Variants in DEFB121 observed in about 807,000 individuals in gnomAD.
DEFB121 encodes beta-defensin 121.
In DEFB121, 5 loss-of-function variants were observed where a neutral mutation model predicts 2.5. That is an observed-to-expected ratio of 1.96 (90% CI 1.03 to 4.13). DEFB121 has a LOEUF of 4.13. Among genes scored for constraint, DEFB121 ranks in the 30% most tolerant of loss-of-function variants. DEFB121 has a pLI of 0.00. For missense variants in DEFB121, 87 were observed against 85.0 expected, an observed-to-expected ratio of 1.02 and a Z score of -0.09; for synonymous variants, 39 against 32.6, an observed-to-expected ratio of 1.20 and a Z score of -0.67.
chr20:31,418,259 C>CAAAAAAAAAAAAAAAAA, the DEFB121 span, among the ~76,000 whole-genome samples: 7 of 82,920 alleles, frequency 8.4e-5, no homozygotes, highest in Admixed American at 1.7e-4. Context: ...GACTCCGTCT[C>CAAAAAAAAAAAAAAAAA]AAAAAAAAAA....
chr20:31,413,995 G>A (rs1978735573), upstream of DEFB121, among the ~76,000 whole-genome samples: 1 of 152,124 alleles, frequency 6.6e-6, no homozygotes, highest in Non-Finnish European at 1.5e-5. Flanking sequence ...ATTACCTGAG[G>A]TCAGGAGTTC....
At chr20:31,407,674 G>A (rs1047029176), upstream of DEFB121, among the ~76,000 whole-genome samples, 1 of 152,204 alleles carries the variant, frequency 6.6e-6, no homozygotes, top group African/African-American at 2.4e-5. Flanking sequence ...GTTTTGGAGT[G>A]GAACATTACA....
chr20:31,418,259 C>CAAAAAAAAAAA, the DEFB121 span, among the ~76,000 whole-genome samples: 24 of 82,972 alleles, frequency 2.9e-4, no homozygotes, highest in South Asian at 9.7e-4. Context: ...GACTCCGTCT[C>CAAAAAAAAAAA]AAAAAAAAAA....
In DEFB121 at chr20:31,406,114, G is replaced by A. The variant is rs772018861; in HGVS notation, c.39C>T (p.Leu13=). 2 of 1,614,140 alleles carry A rather than the reference G, an allele frequency of 1.2e-6. No homozygotes were observed. Among genetic ancestry groups the A allele is most frequent in the Admixed American group, 1.7e-5 (1 of 60,022 alleles). ...GTTTACCTGGGGTGACCTGGGCCAG[G>A]AGCAGAGTAACAGTCAAAAGCAGAA... ...LLLLLLTVTL[L]LAQVTPVMKC... The change falls in exon 1 of 2, where the codon CTC becomes CTT. Residue 13 remains leucine, a synonymous_variant. Coordinates refer to ENST00000376314, the MANE Select transcript of DEFB121 (RefSeq NM_001011878.3).
upstream of DEFB121, among the ~76,000 whole-genome samples, chr20:31,416,791 T>C (rs1230459963): frequency 6.6e-6 from 1 of 152,226 alleles, no homozygotes; most frequent in African/African-American, 2.4e-5. Flanking sequence ...CAAAAACAAT[T>C]CCACGTTAAG....
At chr20:31,414,268 G>C (rs1389289017), upstream of DEFB121, among the ~76,000 whole-genome samples, 1 of 151,162 alleles carries the variant, frequency 6.6e-6, no homozygotes, top group Non-Finnish European at 1.5e-5. Flanking sequence ...GGAAGGGGAA[G>C]GGGAGGAAAG....
At chr20:31,406,352 TG>T, upstream of DEFB121, 1 of 1,195,348 alleles carries the variant, frequency 8.4e-7, no homozygotes. Flanking sequence ...CTGAGGAGGC[TG>T]GGAGAGGGGG....
upstream of DEFB121, among the ~76,000 whole-genome samples, chr20:31,414,662 A>G (rs1413779989): frequency 6.6e-6 from 1 of 152,242 alleles, no homozygotes; most frequent in Non-Finnish European, 1.5e-5. Flanking sequence ...AACTTATATC[A>G]ACAAAGAGTG....
upstream of DEFB121, among the ~76,000 whole-genome samples, chr20:31,410,347 TG>T (rs1279187153): frequency 6.6e-6 from 1 of 152,028 alleles, no homozygotes; most frequent in African/African-American, 2.4e-5. Flanking sequence ...CCATAGACAC[TG>T]GGGACTACTA....
At chr20:31,418,068 G>A in the DEFB121 span, among the ~76,000 whole-genome samples, 7 of 150,242 alleles carry the variant, frequency 4.7e-5, no homozygotes, top group African/African-American at 7.3e-5. Flanking sequence ...AGACCATCCC[G>A]GCTAAAACGG....
At chr20:31,418,282 A>AAAAAAAAGAAAAAAGG in the DEFB121 span, among the ~76,000 whole-genome samples, 1 of 148,300 alleles carries the variant, frequency 6.7e-6, no homozygotes, top group Non-Finnish European at 1.5e-5. Flanking sequence ...AAAAAAAAAA[A>AAAAAAAAGAAAAAAGG]GAAAAAAGGG....
chr20:31,411,529 G>GA, intron 1 of DEFB121, among the ~76,000 whole-genome samples: 1 of 141,584 alleles, frequency 7.1e-6, no homozygotes, highest in African/African-American at 2.6e-5. Flanking sequence ...GCCTTTCAGT[G>GA]AAAAAAGAAA....
chr20:31,417,540 A>C (rs987606422), upstream of DEFB121, among the ~76,000 whole-genome samples: 1 of 152,292 alleles, frequency 6.6e-6, no homozygotes, highest in Middle Eastern at 3.4e-3. Flanking sequence ...AACAGGAAAA[A>C]CAAAGACCAG....
intron 1 of DEFB121, among the ~76,000 whole-genome samples, chr20:31,405,288 A>G (rs1018320545): frequency 2.0e-5 from 3 of 150,844 alleles, no homozygotes; most frequent in South Asian, 2.1e-4. Context: ...CCCTGTTAGA[A>G]CCCCCAGAGT....
upstream of DEFB121, among the ~76,000 whole-genome samples, chr20:31,410,637 C>T (rs113661733): frequency 1.3e-5 from 2 of 152,278 alleles, no homozygotes; most frequent in Admixed American, 6.5e-5. Context: ...AAGGGGCTTA[C>T]TTCTAAAGAT....
chr20:31,409,965 G>C (rs907413008), upstream of DEFB121, among the ~76,000 whole-genome samples: 9 of 152,010 alleles, frequency 5.9e-5, no homozygotes, highest in Admixed American at 1.3e-4. Flanking sequence ...GGAACTTTCA[G>C]AGTGATGAAA....
chr20:31,415,460 G>A (rs906539371), upstream of DEFB121, among the ~76,000 whole-genome samples: 1 of 152,068 alleles, frequency 6.6e-6, no homozygotes, highest in Non-Finnish European at 1.5e-5. Context: ...ATGTTGGCCA[G>A]GCTGGTCTCA....
At chr20:31,407,198 C>T (rs1245121076), upstream of DEFB121, among the ~76,000 whole-genome samples, 1 of 151,946 alleles carries the variant, frequency 6.6e-6, no homozygotes, top group African/African-American at 2.4e-5. Flanking sequence ...TGCAGTGAGC[C>T]GAGATTGTGC....
chr20:31,418,512 C>T, the DEFB121 span, among the ~76,000 whole-genome samples: 5 of 152,258 alleles, frequency 3.3e-5, no homozygotes, highest in Middle Eastern at 3.4e-3. Flanking sequence ...AAGACTCGCC[C>T]ACCAATGTCG....
Sources: gnomAD v4.1 joint callset for allele counts (sites outside exome capture counted in the v4.1 genomes callset) on GRCh38, gnomAD v4.1.1 for gene constraint, MANE v1.5 for transcripts, NCBI Gene and HGNC (gene_info 2026-07-23, HGNC 2026-07-21) for gene names.